The following EXOC4 variants were observed in gnomAD, a reference collection of about 807,000 sequenced individuals.
The protein encoded by EXOC4 is SEC8-like 1.
A neutral mutation model predicts 107.2 loss-of-function variants in EXOC4; 71 were observed. The observed-to-expected ratio is 0.66, with a 90% CI of 0.55 to 0.81. The LOEUF (loss-of-function observed/expected upper bound fraction) is 0.81. Among genes scored for constraint, EXOC4 ranks in the 30% least tolerant of loss-of-function variants. The probability of loss-of-function intolerance (pLI) is 0.00; values close to 1 mark genes in which losing one functional copy is unlikely to be tolerated. For missense variants in EXOC4, 1,108 were observed against 1,189.6 expected (o/e 0.93, Z 1.01); for synonymous variants, 456 against 441.2 (o/e 1.03, Z -0.42).
At chr7:133,594,960 A>G (rs1402877296) in intron 9 of EXOC4, among the ~76,000 whole-genome samples, 7 of 152,178 alleles carry the variant, frequency 4.6e-5, no homozygotes, top group East Asian at 1.9e-4. Flanking sequence ...TTCAGATCCA[A>G]TGGTCAGGGA....
chr7:133,507,641 T>C (rs991071221), intron 9 of EXOC4, among the ~76,000 whole-genome samples: 4 of 152,194 alleles, frequency 2.6e-5, no homozygotes, highest in Non-Finnish European at 5.9e-5. Context: ...GGAATGAGAA[T>C]CACTCCTATG....
At chr7:133,971,331 T>A (rs982304932) in intron 14 of EXOC4, among the ~76,000 whole-genome samples, 1 of 77,688 alleles carries the variant, frequency 1.3e-5, no homozygotes, top group African/African-American at 5.7e-5. Flanking sequence ...GTGGGGAAAA[T>A]GTGTATATAT....
chr7:133,408,893 C>T (rs938619119), intron 7 of EXOC4, among the ~76,000 whole-genome samples: 14 of 152,182 alleles, frequency 9.2e-5, no homozygotes, highest in Non-Finnish European at 1.6e-4. Context: ...ATTCTATTCT[C>T]TTTGCATATT....
chr7:133,279,135 C>A (rs914666438), intron 2 of EXOC4, among the ~76,000 whole-genome samples: 2 of 152,168 alleles, frequency 1.3e-5, no homozygotes, highest in Admixed American at 1.3e-4. Flanking sequence ...CATGTCCCTA[C>A]AAAGGACATG....
At chr7:133,971,103 A>T (rs1425996235) in intron 14 of EXOC4, among the ~76,000 whole-genome samples, 1 of 152,040 alleles carries the variant, frequency 6.6e-6, no homozygotes, top group East Asian at 1.9e-4. Flanking sequence ...CATTATGTGC[A>T]TCAGAGGCCC....
intron 15 of EXOC4, among the ~76,000 whole-genome samples, chr7:134,000,087 A>T (rs920146185): frequency 6.6e-6 from 1 of 152,132 alleles, no homozygotes; most frequent in African/African-American, 2.4e-5. Flanking sequence ...GGATTTTTTT[A>T]AATTAAATTT....
At chr7:134,023,289 A>G (rs1433833532) in intron 17 of EXOC4, among the ~76,000 whole-genome samples, 1 of 152,224 alleles carries the variant, frequency 6.6e-6, no homozygotes, top group Non-Finnish European at 1.5e-5. Flanking sequence ...TATATCTGAG[A>G]ATAAGCAAGA....
intron 10 of EXOC4, among the ~76,000 whole-genome samples, chr7:133,755,275 ATATATATTATATACATAT>A (rs1562984207): frequency 1.2e-4 from 12 of 104,284 alleles, no homozygotes; most frequent in African/African-American, 4.8e-4. Flanking sequence ...TATATATATT[ATATATATTATATACATAT>A]TATATATATT....
intron 14 of EXOC4, among the ~76,000 whole-genome samples, chr7:133,945,153 G>T (rs902787014): frequency 9.9e-5 from 15 of 152,134 alleles, no homozygotes; most frequent in African/African-American, 3.6e-4. Context: ...TATGACATGG[G>T]CAACAGGCTA....
intron 11 of EXOC4, among the ~76,000 whole-genome samples, chr7:133,834,990 CTTTT>C (rs1563019988): frequency 2.0e-5 from 3 of 152,212 alleles, no homozygotes; most frequent in African/African-American, 4.8e-5. Flanking sequence ...CACAAGCTCT[CTTTT>C]TTTGCCTGCT....
chr7:133,724,877 A>C (rs1223694249), intron 10 of EXOC4, among the ~76,000 whole-genome samples: 1 of 152,194 alleles, frequency 6.6e-6, no homozygotes, highest in African/African-American at 2.4e-5. Flanking sequence ...GAACACAATG[A>C]GTGAGAAGTG....
chr7:133,499,060 A>T (rs1013546564), intron 9 of EXOC4, among the ~76,000 whole-genome samples: 1 of 150,232 alleles, frequency 6.7e-6, no homozygotes, highest in Admixed American at 6.7e-5. Context: ...TACCGGTAGT[A>T]TGTCTTCTTC....
chr7:133,433,258 G>GC (rs920620088), intron 7 of EXOC4, among the ~76,000 whole-genome samples: 2 of 152,040 alleles, frequency 1.3e-5, no homozygotes, highest in Non-Finnish European at 2.9e-5. Context: ...ACTCCCAATA[G>GC]CCCCCCACCC....
At chr7:134,006,135 G>A (rs1794637762) in intron 16 of EXOC4, among the ~76,000 whole-genome samples, 1 of 152,070 alleles carries the variant, frequency 6.6e-6, no homozygotes, top group African/African-American at 2.4e-5. Context: ...GCTCTTGACT[G>A]TGGCTCTTCC....
intron 8 of EXOC4, among the ~76,000 whole-genome samples, 179 bp downstream of exon 8, chr7:133,475,652 T>C (rs1218121837): frequency 6.6e-6 from 1 of 152,210 alleles, no homozygotes; most frequent in Non-Finnish European, 1.5e-5. Context: ...GTGGTTGTTT[T>C]GGGTACAGTT....
chr7:133,866,536 C>CT (rs1798644785), intron 11 of EXOC4, among the ~76,000 whole-genome samples: 1 of 152,148 alleles, frequency 6.6e-6, no homozygotes, highest in African/African-American at 2.4e-5. Flanking sequence ...TAAGGGGTAG[C>CT]TAGTCATTGT....
chr7:133,299,442 G>A (rs1794594921), intron 3 of EXOC4, among the ~76,000 whole-genome samples: 1 of 152,082 alleles, frequency 6.6e-6, no homozygotes, highest in African/African-American at 2.4e-5. Flanking sequence ...AATAAAATAT[G>A]GGAATTATTT....
At chr7:133,758,760 G>T (rs1227031440) in intron 10 of EXOC4, among the ~76,000 whole-genome samples, 1 of 152,166 alleles carries the variant, frequency 6.6e-6, no homozygotes, top group African/African-American at 2.4e-5. Context: ...TTTCTTGCCA[G>T]ACAACCAGAT....
At chr7:133,644,969 C>T (rs1331603324) in intron 10 of EXOC4, among the ~76,000 whole-genome samples, 2 of 152,120 alleles carry the variant, frequency 1.3e-5, no homozygotes, top group African/African-American at 2.4e-5. Context: ...GCTGTATCCC[C>T]TTTGCATCTT....
Sources: allele counts gnomAD v4.1 joint callset (sites outside exome capture counted in the v4.1 genomes callset), GRCh38; gene constraint gnomAD v4.1.1; transcripts MANE v1.5; gene names NCBI Gene and HGNC (gene_info 2026-07-23, HGNC 2026-07-21).